ZDHHC15: variants seen among roughly 807,000 people sequenced by gnomAD.
The protein encoded by ZDHHC15 is zDHHC palmitoyltransferase 15.
A neutral mutation model predicts 31.7 loss-of-function variants in ZDHHC15; 19 were observed. That is an observed-to-expected ratio of 0.60 (90% CI 0.42 to 0.88). The LOEUF (loss-of-function observed/expected upper bound fraction) is 0.88. Among genes scored for constraint, ZDHHC15 ranks in the 40% least tolerant of loss-of-function variants. The pLI is 0.00. For synonymous variants in ZDHHC15, 103 were observed against 90.0 expected (o/e 1.14, Z -0.82); for missense variants, 209 against 251.2 (o/e 0.83, Z 1.14).
intron 4 of ZDHHC15, 154 bp downstream of exon 4, chrX:75,450,648 T>C: frequency 1.8e-6 from 2 of 1,115,510 alleles, no homozygotes; most frequent in South Asian, 4.1e-5. Context: ...GATATGTGTT[T>C]AAAATTTTTT....
At chrX:75,434,553 A>T (rs1380743248) in intron 4 of ZDHHC15, among the ~76,000 whole-genome samples, 2 of 112,228 alleles carry the variant, frequency 1.8e-5, no homozygotes, top group African/African-American at 6.5e-5. Context: ...ATTCTTCTAC[A>T]TGTGGCTTGC....
At chrX:75,384,803 C>T (rs973725249) in intron 10 of ZDHHC15, 6 of 858,797 alleles carry the variant, frequency 7.0e-6, no homozygotes, top group African/African-American at 6.0e-5. Context: ...CTGCTGGAAC[C>T]TATTCTCTAT....
At chrX:75,442,585 C>G (rs767696443) in intron 4 of ZDHHC15, among the ~76,000 whole-genome samples, 3 of 111,966 alleles carry the variant, frequency 2.7e-5, no homozygotes, top group South Asian at 7.5e-4. Context: ...AGGAATCCAA[C>G]TTACAAGGGA....
chrX:75,399,158 C>A (rs1461037780), intron 10 of ZDHHC15, among the ~76,000 whole-genome samples: 1 of 110,882 alleles, frequency 9.0e-6, no homozygotes, highest in African/African-American at 3.3e-5. Flanking sequence ...ATGTGGTTGC[C>A]CGTTTTCATA....
intron 7 of ZDHHC15, among the ~76,000 whole-genome samples, chrX:75,428,484 T>G (rs2083739667): frequency 9.0e-6 from 1 of 111,452 alleles, no homozygotes; most frequent in South Asian, 3.8e-4. Context: ...ATCTTGGCAA[T>G]GAGCCAGTGA....
At chrX:75,420,645 T>C (rs1024491159) in intron 9 of ZDHHC15, among the ~76,000 whole-genome samples, 1 of 111,305 alleles carries the variant, frequency 9.0e-6, no homozygotes, top group Non-Finnish European at 1.9e-5. Flanking sequence ...TGAGTTCATG[T>C]CCTTTACAGG....
intron 10 of ZDHHC15, among the ~76,000 whole-genome samples, chrX:75,392,181 G>A (rs2083251708): frequency 8.9e-6 from 1 of 112,098 alleles, no homozygotes; most frequent in Non-Finnish European, 1.9e-5. Flanking sequence ...CTGTCTGCAG[G>A]CTGAGGAGCA....
intron 1 of ZDHHC15, among the ~76,000 whole-genome samples, chrX:75,517,258 A>T (rs2085372368): frequency 8.9e-6 from 1 of 111,776 alleles, no homozygotes; most frequent in Non-Finnish European, 1.9e-5. Flanking sequence ...AAGGATTATA[A>T]ATCATGTTAC....
intron 4 of ZDHHC15, among the ~76,000 whole-genome samples, chrX:75,431,848 C>T (rs955646069): frequency 9.0e-6 from 1 of 111,431 alleles, no homozygotes; most frequent in Non-Finnish European, 1.9e-5. Flanking sequence ...TCTATTTACC[C>T]CCAACTTTCT....
At chrX:75,426,725 G>T (rs772485593) in intron 7 of ZDHHC15, among the ~76,000 whole-genome samples, 6 of 111,287 alleles carry the variant, frequency 5.4e-5, no homozygotes, top group Admixed American at 9.6e-5. Context: ...TAATCTGTTG[G>T]TCTTCTGAAT....
In ZDHHC15 at chrX:75,380,478, AC is replaced by A. The variant is rs772899620; in HGVS notation, c.968-1281del. Reference sequence around the variant, plus strand: ...TTTACCTTTTCGTACTGCAACATACACTCTTATTTGGCACAGAAAATTTTTC... The same window carrying A: ...TTTACCTTTTCGTACTGCAACATACATCTTATTTGGCACAGAAAATTTTTC... On this transcript the variant is annotated intron_variant, in intron 10 of 11. Coordinates refer to ENST00000373367, the MANE Select transcript of ZDHHC15 (RefSeq NM_144969.3). Among the ~76,000 whole-genome samples, 25 of 110,910 alleles carry A rather than the reference AC, an allele frequency of 2.3e-4. 1 individual carries two copies. Among genetic ancestry groups the A allele is most frequent in the Admixed American group, 1.3e-3 (13 of 10,362 alleles).
intron 10 of ZDHHC15, among the ~76,000 whole-genome samples, chrX:75,388,005 A>C (rs148072238): frequency 3.7e-4 from 42 of 112,207 alleles, no homozygotes; most frequent in Middle Eastern, 9.2e-3. Context: ...TGGAAACCAC[A>C]CAGGCCAGGA....
chrX:75,486,820 C>G (rs1200566974), intron 2 of ZDHHC15, among the ~76,000 whole-genome samples: 1 of 111,221 alleles, frequency 9.0e-6, no homozygotes, highest in Non-Finnish European at 1.9e-5. Context: ...CCATCTCCCA[C>G]AGTGGCTGCA....
At chrX:75,434,908 T>C (rs1247281421) in intron 4 of ZDHHC15, among the ~76,000 whole-genome samples, 1 of 112,367 alleles carries the variant, frequency 8.9e-6, no homozygotes, top group Non-Finnish European at 1.9e-5. Flanking sequence ...TTGCATTGAA[T>C]GTGTATATTG....
intron 10 of ZDHHC15, among the ~76,000 whole-genome samples, chrX:75,399,579 C>T: frequency 9.0e-6 from 1 of 111,475 alleles, no homozygotes; most frequent in Middle Eastern, 4.6e-3. Flanking sequence ...CCCTTGGTCA[C>T]AACCACTACT....
chrX:75,431,739 C>G (rs963848081), intron 4 of ZDHHC15, among the ~76,000 whole-genome samples: 1 of 110,779 alleles, frequency 9.0e-6, no homozygotes, highest in Non-Finnish European at 1.9e-5. Context: ...CTGAAAGGAA[C>G]GAGAAAAGTT....
intron 4 of ZDHHC15, among the ~76,000 whole-genome samples, chrX:75,450,006 C>A (rs1208090136): frequency 9.0e-6 from 1 of 111,598 alleles, no homozygotes; most frequent in Non-Finnish European, 1.9e-5. Context: ...ATATTCATAG[C>A]AAATTGACTC....
intron 10 of ZDHHC15, among the ~76,000 whole-genome samples, chrX:75,399,507 G>T (rs1479922070): frequency 1.8e-5 from 2 of 111,727 alleles, no homozygotes. Flanking sequence ...TGGGCTGACT[G>T]CACTGAGCAA....
At chrX:75,490,519 T>G (rs754503146) in intron 2 of ZDHHC15, among the ~76,000 whole-genome samples, 1 of 111,760 alleles carries the variant, frequency 8.9e-6, no homozygotes, top group East Asian at 2.8e-4. Flanking sequence ...TTTTTCCAAT[T>G]CTGTGAAGAA....
Sources: allele counts gnomAD v4.1 joint callset (sites outside exome capture counted in the v4.1 genomes callset), GRCh38; gene constraint gnomAD v4.1.1; transcripts MANE v1.5; gene names NCBI Gene and HGNC (gene_info 2026-07-23, HGNC 2026-07-21).